RAB38: variants seen among roughly 807,000 people sequenced by gnomAD.
The protein encoded by RAB38 is ras-related protein Rab-38.
Under a neutral mutation model 18.4 loss-of-function variants are expected in RAB38, and 15 were observed. The ratio of observed to expected loss-of-function variants is 0.82; its 90% CI spans 0.55 to 1.26. The LOEUF (loss-of-function observed/expected upper bound fraction) is 1.26, where lower values mean the gene tolerates loss of function less well. Among genes scored for constraint, RAB38 ranks in the 50% most tolerant of loss-of-function variants. The pLI is 0.00. For missense variants in RAB38, 294 were observed against 267.4 expected (o/e 1.10, Z -0.69); for synonymous variants, 101 against 104.4 (o/e 0.97, Z 0.20).
chr11:88,056,357 T>C, the RAB38 span, among the ~76,000 whole-genome samples: 1 of 152,202 alleles, frequency 6.6e-6, no homozygotes, highest in Non-Finnish European at 1.5e-5. Context: ...TGGCAGGAGA[T>C]GTAGAGTGTT....
chr11:88,019,556 C>T, the RAB38 span, among the ~76,000 whole-genome samples: 2 of 152,082 alleles, frequency 1.3e-5, no homozygotes, highest in East Asian at 1.9e-4. Context: ...TCATTCCCTG[C>T]TATCAACACT....
chr11:88,009,036 A>G, the RAB38 span, among the ~76,000 whole-genome samples: 1 of 152,214 alleles, frequency 6.6e-6, no homozygotes, highest in Non-Finnish European at 1.5e-5. Context: ...TAAAAATACA[A>G]AAACAAAAAC....
chr11:88,106,111 A>G, the RAB38 span, among the ~76,000 whole-genome samples: 9 of 152,160 alleles, frequency 5.9e-5, no homozygotes, highest in South Asian at 1.0e-3. Context: ...CCTTCCCCCA[A>G]TGAAACTGTA....
At chr11:87,977,768 T>G in the RAB38 span, among the ~76,000 whole-genome samples, 2 of 112,380 alleles carry the variant, frequency 1.8e-5, no homozygotes, top group Admixed American at 1.1e-4. Context: ...TATTATATTA[T>G]AGTTATATAT....
the RAB38 span, among the ~76,000 whole-genome samples, chr11:87,880,248 G>C: frequency 1.3e-5 from 2 of 151,730 alleles, no homozygotes; most frequent in Non-Finnish European, 2.9e-5. Context: ...CATACAAAAT[G>C]ACTATGTTTT....
the RAB38 span, among the ~76,000 whole-genome samples, chr11:88,059,059 C>T: frequency 6.6e-6 from 1 of 152,172 alleles, no homozygotes; most frequent in African/African-American, 2.4e-5. Context: ...CTGACCTTAA[C>T]TACTATTAAT....
the RAB38 span, among the ~76,000 whole-genome samples, chr11:88,097,664 C>A: frequency 6.6e-6 from 1 of 151,802 alleles, no homozygotes; most frequent in Non-Finnish European, 1.5e-5. Flanking sequence ...GTTCCTTCAT[C>A]CCTTAATTTC....
At chr11:87,919,475 T>A in the RAB38 span, among the ~76,000 whole-genome samples, 1 of 152,032 alleles carries the variant, frequency 6.6e-6, no homozygotes, top group South Asian at 2.1e-4. Context: ...GAATTATCCT[T>A]TTAATAAGCT....
the RAB38 span, among the ~76,000 whole-genome samples, chr11:88,073,840 T>C: frequency 7.2e-5 from 11 of 152,036 alleles, no homozygotes; most frequent in Non-Finnish European, 1.5e-4. Flanking sequence ...TTGAATAATT[T>C]TTAAAAAAAT....
At chr11:87,856,873 A>T in the RAB38 span, among the ~76,000 whole-genome samples, 38,614 of 151,656 alleles carry the variant, frequency 0.25, 6,337 homozygotes, top group African/African-American at 0.47. Context: ...TCTTTTTTTT[A>T]AAAATTATAC....
intron 1 of RAB38, among the ~76,000 whole-genome samples, chr11:88,153,477 C>G (rs1365882667): frequency 6.6e-6 from 1 of 152,292 alleles, no homozygotes; most frequent in South Asian, 2.1e-4. Flanking sequence ...TTGGCTCTGC[C>G]CCTCCTCTCC....
At chr11:88,090,896 G>A in the RAB38 span, among the ~76,000 whole-genome samples, 6,826 of 151,986 alleles carry the variant, frequency 0.045, 203 homozygotes, top group African/African-American at 0.088. Flanking sequence ...CATGACTCTG[G>A]CATCTCAGAG....
the RAB38 span, chr11:87,918,137 T>C: frequency 1.3e-5 from 2 of 152,044 alleles, no homozygotes; most frequent in African/African-American, 4.8e-5. Flanking sequence ...AGTGAGATCA[T>C]GTGGTACTTT....
the RAB38 span, among the ~76,000 whole-genome samples, chr11:87,835,316 C>A: frequency 5.3e-5 from 8 of 151,968 alleles, no homozygotes; most frequent in Non-Finnish European, 1.2e-4. Flanking sequence ...ACCAAAGGCA[C>A]CAGATGCTGG....
At chr11:87,959,505 G>A in the RAB38 span, among the ~76,000 whole-genome samples, 3 of 152,114 alleles carry the variant, frequency 2.0e-5, no homozygotes, top group Non-Finnish European at 2.9e-5. Context: ...CCTCTGTGCT[G>A]AGCATTGTGC....
chr11:87,952,462 C>G, the RAB38 span, among the ~76,000 whole-genome samples: 1 of 152,262 alleles, frequency 6.6e-6, no homozygotes, highest in Admixed American at 6.5e-5. Context: ...TCCACATTCT[C>G]CTCTTAACTT....
At chr11:87,863,777 T>C in the RAB38 span, among the ~76,000 whole-genome samples, 1 of 151,780 alleles carries the variant, frequency 6.6e-6, no homozygotes, top group Non-Finnish European at 1.5e-5. Context: ...TAGATGAGCA[T>C]AGTTTACTAT....
the RAB38 span, among the ~76,000 whole-genome samples, chr11:87,872,986 T>G: frequency 6.6e-6 from 1 of 151,630 alleles, no homozygotes; most frequent in Non-Finnish European, 1.5e-5. Flanking sequence ...ACACAATTAC[T>G]GAATCGCATA....
At chr11:87,834,014 C>T in the RAB38 span, among the ~76,000 whole-genome samples, 3 of 152,160 alleles carry the variant, frequency 2.0e-5, no homozygotes, top group Non-Finnish European at 4.4e-5. Context: ...GAACTGTGTC[C>T]AGCTGGAAGC....
Sources: allele counts gnomAD v4.1 joint callset (sites outside exome capture counted in the v4.1 genomes callset), GRCh38; gene constraint gnomAD v4.1.1; transcripts MANE v1.5; gene names NCBI Gene and HGNC (gene_info 2026-07-23, HGNC 2026-07-21).